Variants in CCDC178 observed in about 807,000 individuals in gnomAD.
CCDC178 encodes coiled-coil domain containing 178.
A neutral mutation model predicts 117.4 loss-of-function variants in CCDC178; 126 were observed. The ratio of observed to expected loss-of-function variants is 1.07; its 90% CI spans 0.93 to 1.24. The LOEUF (loss-of-function observed/expected upper bound fraction) is 1.24, where lower values mean the gene tolerates loss of function less well. CCDC178 is among the 50% of genes most tolerant of loss of function. The pLI is 0.00. For missense variants in CCDC178, 1,030 were observed against 986.9 expected (o/e 1.04, Z -0.59); for synonymous variants, 283 against 313.4 (o/e 0.90, Z 1.02).
At chr18:33,341,089 T>C (rs2062811511) in intron 9 of CCDC178, among the ~76,000 whole-genome samples, 1 of 152,120 alleles carries the variant, frequency 6.6e-6, no homozygotes, top group South Asian at 2.1e-4. Context: ...GCCACAGGGG[T>C]GCAGCTGCCT....
chr18:33,419,977 T>C (rs2064002069), intron 2 of CCDC178, among the ~76,000 whole-genome samples: 1 of 151,796 alleles, frequency 6.6e-6, no homozygotes. Flanking sequence ...TATTCTACCA[T>C]AAAGATACAT....
At chr18:33,298,024 G>A (rs374078655) in intron 11 of CCDC178, among the ~76,000 whole-genome samples, 3 of 141,934 alleles carry the variant, frequency 2.1e-5, no homozygotes, top group Non-Finnish European at 4.5e-5. Context: ...CTGGGCGACT[G>A]AGCGAGACTC....
intron 2 of CCDC178, among the ~76,000 whole-genome samples, chr18:33,437,270 A>G (rs572073182): frequency 6.4e-4 from 98 of 152,334 alleles, no homozygotes; most frequent in African/African-American, 1.8e-3. Flanking sequence ...AAAATTTTTA[A>G]AGAAACAAAA....
intron 22 of CCDC178, among the ~76,000 whole-genome samples, chr18:32,962,244 C>G (rs2054718902): frequency 6.6e-6 from 1 of 151,950 alleles, no homozygotes; most frequent in African/African-American, 2.4e-5. Context: ...AAATCTTATA[C>G]TACAATGTTG....
At chr18:33,000,302 G>T (rs1421846454) in intron 21 of CCDC178, among the ~76,000 whole-genome samples, 2 of 150,526 alleles carry the variant, frequency 1.3e-5, no homozygotes, top group African/African-American at 4.9e-5. Flanking sequence ...GGAGACAAAA[G>T]AAAAAATAAT....
At chr18:33,188,831 T>C (rs566749400) in intron 20 of CCDC178, among the ~76,000 whole-genome samples, 4 of 152,310 alleles carry the variant, frequency 2.6e-5, no homozygotes, top group African/African-American at 9.6e-5. Flanking sequence ...TTTAAGCATT[T>C]TAGTTTGTGG....
At chr18:33,133,812 C>T (rs918139995) in intron 20 of CCDC178, among the ~76,000 whole-genome samples, 2 of 151,854 alleles carry the variant, frequency 1.3e-5, no homozygotes, top group Admixed American at 1.3e-4. Flanking sequence ...ATTTCTGGGA[C>T]GTTTTCCTGT....
At chr18:32,966,775 T>C (rs936797653) in intron 22 of CCDC178, among the ~76,000 whole-genome samples, 3 of 151,860 alleles carry the variant, frequency 2.0e-5, no homozygotes, top group Non-Finnish European at 4.4e-5. Context: ...AAATTTGATA[T>C]CTAGGTATAT....
At chr18:33,283,195 G>A (rs2060046970) in intron 12 of CCDC178, among the ~76,000 whole-genome samples, 1 of 152,104 alleles carries the variant, frequency 6.6e-6, no homozygotes, top group African/African-American at 2.4e-5. Context: ...CCAAGTCAGA[G>A]CATGCAGTCT....
rs1463010708 is a variant in CCDC178 at position 33,281,117 on chromosome 18, A to AATAATAATAAT, written c.1176+12041_1176+12042insATTATTATTAT. On this transcript the variant is annotated intron_variant, in intron 12 of 22. Transcript: ENST00000383096. The stretch of plus-strand genomic sequence containing the variant: ...TAAAGTATAATAATAATAATAATAA[A>AATAATAATAAT]GAAACACACACACAAAAAATAAATA... Among the ~76,000 whole-genome samples the AATAATAATAAT allele has an allele frequency of 1.9e-3, 242 of 124,986 alleles. 3 individuals are homozygous for AATAATAATAAT. In the East Asian group the frequency reaches 0.021, roughly 11 times the overall value. The allele number at this position is 124,986 out of a possible 152,430, so 82.0% of individuals were successfully genotyped here. A position where few individuals can be genotyped will look rare whatever the true frequency, so the allele number is the denominator to read the frequency against.
chr18:33,407,668 T>C (rs1242192335), intron 3 of CCDC178, among the ~76,000 whole-genome samples: 1 of 152,052 alleles, frequency 6.6e-6, no homozygotes, highest in Non-Finnish European at 1.5e-5. Flanking sequence ...TACAACAGTA[T>C]TGTAAACATT....
intron 20 of CCDC178, among the ~76,000 whole-genome samples, chr18:33,166,652 C>A (rs2058533641): frequency 6.6e-6 from 1 of 152,168 alleles, no homozygotes; most frequent in Non-Finnish European, 1.5e-5. Context: ...TCTCTGTCCC[C>A]ATCATCTTTC....
chr18:33,030,803 A>G (rs534868869), intron 21 of CCDC178, among the ~76,000 whole-genome samples: 1 of 152,316 alleles, frequency 6.6e-6, no homozygotes, highest in South Asian at 2.1e-4. Context: ...ATAGATGTAG[A>G]TATAGATATG....
At chr18:32,950,501 T>A (rs1173164201) in intron 22 of CCDC178, among the ~76,000 whole-genome samples, 1 of 152,212 alleles carries the variant, frequency 6.6e-6, no homozygotes, top group Non-Finnish European at 1.5e-5. Flanking sequence ...TGACTCTAGT[T>A]ACTTCATTTT....
At chr18:33,253,790 T>C (rs2059644534) in intron 14 of CCDC178, among the ~76,000 whole-genome samples, 1 of 151,828 alleles carries the variant, frequency 6.6e-6, no homozygotes, top group Admixed American at 6.6e-5. Context: ...TGGAGTTAAG[T>C]AGACCTGTAT....
intron 11 of CCDC178, among the ~76,000 whole-genome samples, chr18:33,296,813 G>C (rs2062111446): frequency 6.6e-6 from 1 of 152,122 alleles, no homozygotes; most frequent in Non-Finnish European, 1.5e-5. Flanking sequence ...GATCACCAGA[G>C]GTCAGGAGTT....
intron 12 of CCDC178, among the ~76,000 whole-genome samples, chr18:33,287,034 G>A (rs998883988): frequency 1.3e-5 from 2 of 151,846 alleles, no homozygotes; most frequent in East Asian, 1.9e-4. Flanking sequence ...AGGTTTTCTG[G>A]CTAACAAAGG....
At chr18:33,415,893 C>T (rs2063933912) in intron 2 of CCDC178, among the ~76,000 whole-genome samples, 1 of 151,986 alleles carries the variant, frequency 6.6e-6, no homozygotes, top group Admixed American at 6.6e-5. Flanking sequence ...GGCAGACTAG[C>T]TAGGAGACTT....
intron 9 of CCDC178, among the ~76,000 whole-genome samples, chr18:33,339,318 G>T (rs773370824): frequency 2.2e-4 from 34 of 151,686 alleles, no homozygotes; most frequent in Non-Finnish European, 5.0e-4. Flanking sequence ...TTTTTAAAAA[G>T]ATAAACAAAA....
Sources: allele counts gnomAD v4.1 joint callset (sites outside exome capture counted in the v4.1 genomes callset), GRCh38; gene constraint gnomAD v4.1.1; transcripts MANE v1.5; gene names NCBI Gene and HGNC (gene_info 2026-07-23, HGNC 2026-07-21).